PCDH9: variants seen among roughly 807,000 people sequenced by gnomAD.
PCDH9 encodes protocadherin 9, also known as protocadherin-9.
A neutral mutation model predicts 70.6 loss-of-function variants in PCDH9; 24 were observed. That is an observed-to-expected ratio of 0.34 (90% CI 0.25 to 0.48). The LOEUF is 0.48. PCDH9 is among the 20% of genes least tolerant of loss of function. The pLI is 0.99. For missense variants in PCDH9, 1,281 were observed against 1,503.6 expected, an observed-to-expected ratio of 0.85 and a Z score of 2.45; for synonymous variants, 562 against 558.5, an observed-to-expected ratio of 1.01 and a Z score of -0.09.
intron 2 of PCDH9, among the ~76,000 whole-genome samples, chr13:67,148,188 G>T (rs1474378735): frequency 2.7e-5 from 4 of 146,828 alleles, no homozygotes; most frequent in Non-Finnish European, 6.0e-5. Context: ...AGATGTTAAG[G>T]CTACCTCCAT....
intron 3 of PCDH9, among the ~76,000 whole-genome samples, chr13:66,871,126 A>T (rs1473372134): frequency 1.3e-5 from 2 of 151,750 alleles, no homozygotes; most frequent in Non-Finnish European, 2.9e-5. Flanking sequence ...TTCTCAGTAA[A>T]CTATCGCAAG....
chr13:67,109,217 C>CT (rs2086607968), intron 2 of PCDH9, among the ~76,000 whole-genome samples: 1 of 152,130 alleles, frequency 6.6e-6, no homozygotes, highest in African/African-American at 2.4e-5. Context: ...GGGTTCTCCA[C>CT]CTTTGCCACT....
At chr13:66,419,783 C>T (rs1236277781) in intron 4 of PCDH9, among the ~76,000 whole-genome samples, 2 of 150,752 alleles carry the variant, frequency 1.3e-5, no homozygotes, top group Non-Finnish European at 3.0e-5. Flanking sequence ...TTTTTTTTCC[C>T]CCAGTGGCAC....
intron 2 of PCDH9, among the ~76,000 whole-genome samples, chr13:67,182,186 A>G (rs1566479787): frequency 1.3e-5 from 2 of 152,120 alleles, no homozygotes; most frequent in African/African-American, 2.4e-5. Flanking sequence ...CCTCCATAAT[A>G]TTTCTATTTA....
intron 4 of PCDH9, among the ~76,000 whole-genome samples, chr13:66,454,161 T>A (rs191367000): frequency 0.017 from 2,554 of 151,842 alleles, 24 homozygotes; most frequent in Non-Finnish European, 0.026. Flanking sequence ...TTCTTTTTTT[T>A]TAAAAAAAGC....
intron 2 of PCDH9, among the ~76,000 whole-genome samples, chr13:67,049,639 T>C (rs1313576751): frequency 2.0e-5 from 3 of 152,174 alleles, no homozygotes; most frequent in South Asian, 2.1e-4. Context: ...ACCGAGCACT[T>C]ACTGGTAGCT....
At chr13:67,053,461 C>A (rs1234704041) in intron 2 of PCDH9, among the ~76,000 whole-genome samples, 3 of 152,202 alleles carry the variant, frequency 2.0e-5, no homozygotes, top group East Asian at 1.9e-4. Context: ...ATAAAAAACA[C>A]AAAGGATACT....
At chr13:66,502,256 CTGAA>C (rs1269240090) in intron 4 of PCDH9, among the ~76,000 whole-genome samples, 1 of 152,058 alleles carries the variant, frequency 6.6e-6, no homozygotes, top group Admixed American at 6.5e-5. Context: ...AACTATCACA[CTGAA>C]TAAGGTTATT....
At chr13:66,340,220 A>G (rs1225956788) in intron 4 of PCDH9, among the ~76,000 whole-genome samples, 4 of 152,226 alleles carry the variant, frequency 2.6e-5, no homozygotes, top group Admixed American at 2.6e-4. Flanking sequence ...AGAGATAAGA[A>G]ACAACTCATG....
intron 4 of PCDH9, among the ~76,000 whole-genome samples, chr13:66,576,366 A>C (rs2076815358): frequency 1.3e-5 from 2 of 152,086 alleles, no homozygotes; most frequent in South Asian, 2.1e-4. Flanking sequence ...TATAATGTCC[A>C]TAATCGTAGC....
intron 4 of PCDH9, among the ~76,000 whole-genome samples, chr13:66,500,145 G>C (rs1406177280): frequency 6.6e-6 from 1 of 152,108 alleles, no homozygotes; most frequent in Non-Finnish European, 1.5e-5. Flanking sequence ...AGATAATATA[G>C]CATTAATAAA....
intron 4 of PCDH9, among the ~76,000 whole-genome samples, chr13:66,630,098 C>T (rs1310352505): frequency 8.5e-5 from 13 of 152,090 alleles, no homozygotes; most frequent in East Asian, 1.9e-4. Context: ...TTTCCCACTT[C>T]GTGCAACCAG....
chr13:66,470,056 T>G (rs756230985), intron 4 of PCDH9, among the ~76,000 whole-genome samples: 4 of 152,198 alleles, frequency 2.6e-5, no homozygotes, highest in Non-Finnish European at 5.9e-5. Flanking sequence ...TCTTTCCTTT[T>G]CTTCTCTGTG....
At chr13:66,509,944 G>A (rs570624396) in intron 4 of PCDH9, among the ~76,000 whole-genome samples, 3 of 152,274 alleles carry the variant, frequency 2.0e-5, no homozygotes, top group Admixed American at 2.0e-4. Context: ...ATATATCATA[G>A]ACTAGAATTT....
At chr13:66,816,207 A>G (rs1402395183) in intron 3 of PCDH9, among the ~76,000 whole-genome samples, 1 of 152,232 alleles carries the variant, frequency 6.6e-6, no homozygotes, top group Non-Finnish European at 1.5e-5. Context: ...TGAAGAAATT[A>G]ACTATTCCAA....
At chr13:66,372,439 A>G (rs896512093) in intron 4 of PCDH9, among the ~76,000 whole-genome samples, 1 of 151,812 alleles carries the variant, frequency 6.6e-6, no homozygotes, top group Non-Finnish European at 1.5e-5. Flanking sequence ...AAAAGAGTCG[A>G]GAAGATCAGA....
intron 2 of PCDH9, among the ~76,000 whole-genome samples, chr13:67,012,191 AT>A (rs1289449066): frequency 6.6e-6 from 1 of 151,814 alleles, no homozygotes; most frequent in Non-Finnish European, 1.5e-5. Context: ...ATTTTAAAAG[AT>A]TTTTAAACAG....
chr13:66,530,467 T>G (rs1218573130), intron 4 of PCDH9, among the ~76,000 whole-genome samples: 1 of 152,058 alleles, frequency 6.6e-6, no homozygotes, highest in Non-Finnish European at 1.5e-5. Flanking sequence ...CTCTGTGTCC[T>G]CTATTAAGTG....
chr13:67,177,322 T>C (rs2088489534), intron 2 of PCDH9, among the ~76,000 whole-genome samples: 1 of 152,082 alleles, frequency 6.6e-6, no homozygotes, highest in African/African-American at 2.4e-5. Context: ...TCAGAATCAA[T>C]TTTCTTGAAA....
Sources: gnomAD v4.1 joint callset for allele counts (sites outside exome capture counted in the v4.1 genomes callset) on GRCh38, gnomAD v4.1.1 for gene constraint, MANE v1.5 for transcripts, NCBI Gene and HGNC (gene_info 2026-07-23, HGNC 2026-07-21) for gene names.